Variants in HABP2 observed in about 807,000 individuals in gnomAD.
HABP2 encodes the protein factor VII-activating protease.
A neutral mutation model predicts 66.5 loss-of-function variants in HABP2; 65 were observed. The ratio of observed to expected loss-of-function variants is 0.98; its 90% CI spans 0.80 to 1.20. The LOEUF (loss-of-function observed/expected upper bound fraction) is 1.20, where lower values mean the gene tolerates loss of function less well. HABP2 is among the 50% of genes most tolerant of loss of function. The pLI is 0.00. For synonymous variants in HABP2, 263 were observed against 253.9 expected, an observed-to-expected ratio of 1.04 and a Z score of -0.34; for missense variants, 786 against 691.0, an observed-to-expected ratio of 1.14 and a Z score of -1.54.
In HABP2 at chr10:113,580,657, G is replaced by A. The variant is rs200879638; in HGVS notation, c.803G>A (p.Trp268Ter). ...AAAGTTACCAATGACAAGGTGAAAT[G>A]GGAATACTGTGATGTCTCAGCCTGC... ...FIKVTNDKVK[W>*]EYCDVSACSA... is the part of the protein sequence containing the mutation. Residue 268 changes from tryptophan (W) to a stop codon, truncating the protein, a stop_gained, in exon 8 of 13, where the codon TGG becomes TAG. Transcript: ENST00000351270. LOFTEE classifies it high-confidence loss of function. The A allele has an allele frequency of 7.5e-6, 12 of 1,598,888 alleles. No homozygotes were observed. The highest frequency in any genetic ancestry group is 2.2e-5 in the East Asian group (1 of 44,790).
At chr10:113,576,036 T>G in intron 4 of HABP2, 32 bp downstream of exon 4, 1 of 1,162,162 alleles carries the variant, frequency 8.6e-7, no homozygotes, top group African/African-American at 1.5e-5. Context: ...CACTCTTCCC[T>G]CTGAGTTAAA....
At chr10:113,556,777 CCT>C (rs1845002228) in intron 1 of HABP2, among the ~76,000 whole-genome samples, 1 of 148,416 alleles carries the variant, frequency 6.7e-6, no homozygotes, top group Non-Finnish European at 1.5e-5. Context: ...AGATCCTGCT[CCT>C]CTCTCTTTCT....
chr10:113,572,982 C>T (rs924204495), intron 2 of HABP2, among the ~76,000 whole-genome samples: 5 of 152,156 alleles, frequency 3.3e-5, no homozygotes, highest in South Asian at 2.1e-4. Context: ...GACTGAGAGA[C>T]GAGTAAGATA....
Position 113,589,404 on chromosome 10 carries a change from G to A in HABP2, c.*1035G>A, listed in dbSNP as rs185639549. 348 of 576,424 alleles carry A rather than the reference G, an allele frequency of 6.0e-4. No individual in the cohort carries two copies. The highest frequency in any genetic ancestry group is 5.2e-3 in the African/African-American group (281 of 53,664). The allele number at this position is 576,424 out of a possible 1,614,324, so 35.7% of individuals were successfully genotyped here. A position where few individuals can be genotyped will look rare whatever the true frequency, so the allele number is the denominator to read the frequency against. ...AGCACAGCCTGGGCTGCCCTGGCCC[G>A]GGATTGATGTAGCCCCGGTAGGTTT... On this transcript the variant is annotated 3_prime_UTR_variant, in exon 13 of 13. Coordinates refer to ENST00000351270, the MANE Select transcript of HABP2 (RefSeq NM_004132.5).
At chr10:113,556,267 A>C (rs1844989466) in intron 1 of HABP2, among the ~76,000 whole-genome samples, 1 of 152,166 alleles carries the variant, frequency 6.6e-6, no homozygotes, top group African/African-American at 2.4e-5. Context: ...GTTTTATTTT[A>C]ATTGCTTGGC....
At chr10:113,558,091 C>T (rs557028232) in intron 1 of HABP2, among the ~76,000 whole-genome samples, 1 of 152,320 alleles carries the variant, frequency 6.6e-6, no homozygotes, top group South Asian at 2.1e-4. Flanking sequence ...AAATGGGCAG[C>T]AGCCTGAGAC....
upstream of HABP2, among the ~76,000 whole-genome samples, chr10:113,552,786 G>A (rs1844920218): frequency 6.6e-6 from 1 of 152,160 alleles, no homozygotes; most frequent in Admixed American, 6.5e-5. Context: ...AGGCTGGGAT[G>A]CTAGTCACGC....
chr10:113,572,916 C>T (rs1845339932), intron 2 of HABP2, among the ~76,000 whole-genome samples: 1 of 152,118 alleles, frequency 6.6e-6, no homozygotes, highest in Non-Finnish European at 1.5e-5. Flanking sequence ...TATAAAACAG[C>T]CATTGTGCAA....
At chr10:113,580,256 C>T (rs1160620231) in intron 7 of HABP2, among the ~76,000 whole-genome samples, 1 of 152,114 alleles carries the variant, frequency 6.6e-6, no homozygotes, top group East Asian at 1.9e-4. Context: ...CAACTCTCAC[C>T]ATGTTTATGT....
In HABP2 at chr10:113,580,844, G is replaced by A. The variant is rs1345592722; in HGVS notation, c.838+152G>A. On this transcript the variant is annotated intron_variant, in intron 8 of 12. Coordinates refer to ENST00000351270, the MANE Select transcript of HABP2 (RefSeq NM_004132.5). ...CCAGTGCCAGCCCAACTGCCCAACT[G>A]TCTGCACCCACCAGGATGCCAAGCA... The A allele has an allele frequency of 1.5e-5, 9 of 586,954 alleles. No homozygotes were observed. The Admixed American group carries it at 2.6e-4, about 17-fold the overall frequency. 36.4% of individuals were successfully genotyped at this position (586,954 alleles called of 1,614,324 possible).
intron 10 of HABP2, 75 bp downstream of exon 10, chr10:113,583,433 T>G (rs1845577719): frequency 7.3e-7 from 1 of 1,376,732 alleles, no homozygotes; most frequent in Non-Finnish European, 1.0e-6. Context: ...AGCTGAAGTT[T>G]GGTTCTAGAA....
rs1204863827 is a variant in HABP2, at chr10:113,589,316, A to G, written c.*947A>G. ...TTCTTCTGAACAAAGTAGGGTTCAA[A>G]ATGCAGACTGTCATATCCAGCGAGT... On this transcript the variant is annotated 3_prime_UTR_variant, in exon 13 of 13. Coordinates refer to ENST00000351270, the MANE Select transcript of HABP2 (RefSeq NM_004132.5). 1 of 574,732 alleles carries G rather than the reference A, an allele frequency of 1.7e-6. No homozygotes were observed. Among genetic ancestry groups the G allele is most frequent in the African/African-American group, 1.9e-5 (1 of 53,542 alleles). 35.6% of individuals were successfully genotyped at this position (574,732 alleles called of 1,614,324 possible).
Position 113,578,023 on chromosome 10 carries a change from C to T in HABP2, c.449-3C>T, listed in dbSNP as rs1243233024. 6 of 1,613,948 alleles carry T rather than the reference C, an allele frequency of 3.7e-6. No homozygotes were observed. The highest frequency in any genetic ancestry group is 5.1e-6 in the Non-Finnish European group (6 of 1,179,974). ...CTTCCTGGCCCCATTCCTGTGTTCA[C>T]AGTGGTTCCTGTATGCAGGCCAAAC... is the stretch of plus-strand genomic sequence containing the variant. On this transcript the variant is annotated splice_polypyrimidine_tract_variant and splice_region_variant and intron_variant, in intron 5 of 12. Transcript: ENST00000351270.
intron 7 of HABP2, among the ~76,000 whole-genome samples, chr10:113,579,852 A>G (rs1417724137): frequency 1.3e-5 from 2 of 151,532 alleles, no homozygotes; most frequent in African/African-American, 2.4e-5. Context: ...GCACCATCTC[A>G]GCTCACTGCA....
intron 12 of HABP2, 59 bp downstream of exon 12, chr10:113,585,997 A>G: frequency 1.3e-6 from 2 of 1,495,460 alleles, no homozygotes; most frequent in South Asian, 1.1e-5. Context: ...TTCACTAGGC[A>G]GAGGACCCTT....
intron 1 of HABP2, among the ~76,000 whole-genome samples, chr10:113,556,256 A>G (rs918023077): frequency 6.6e-6 from 1 of 152,192 alleles, no homozygotes; most frequent in African/African-American, 2.4e-5. Context: ...AGAGTATTTT[A>G]GTTTTATTTT....
At chr10:113,576,062 T>G in intron 4 of HABP2, 58 bp downstream of exon 4, 1 of 938,378 alleles carries the variant, frequency 1.1e-6, no homozygotes, top group African/African-American at 1.6e-5. Flanking sequence ...GGCAGTCCTT[T>G]CTGTGTGAGA....
chr10:113,581,320 A>C (rs1255947466), intron 8 of HABP2, among the ~76,000 whole-genome samples: 1 of 152,250 alleles, frequency 6.6e-6, no homozygotes, highest in Non-Finnish European at 1.5e-5. Context: ...GTAAAATGTT[A>C]TCTCTGCCTC....
At chr10:113,570,461 C>T (rs1021769484) in intron 2 of HABP2, among the ~76,000 whole-genome samples, 5 of 152,202 alleles carry the variant, frequency 3.3e-5, no homozygotes, top group Non-Finnish European at 5.9e-5. Context: ...TGAACAGCTG[C>T]CCCTTTCTTT....
Sources: allele counts gnomAD v4.1 joint callset (sites outside exome capture counted in the v4.1 genomes callset), GRCh38; gene constraint gnomAD v4.1.1; transcripts MANE v1.5; gene names NCBI Gene and HGNC (gene_info 2026-07-23, HGNC 2026-07-21).